The following DLG2 variants were observed in gnomAD, a reference collection of about 807,000 sequenced individuals.
The protein encoded by DLG2 is discs large MAGUK scaffold protein 2, also known as disks large homolog 2.
DLG2 carries 45 observed loss-of-function variants against 132.5 expected under a neutral mutation model. That is an observed-to-expected ratio of 0.34 (90% confidence interval 0.27 to 0.44). The LOEUF (loss-of-function observed/expected upper bound fraction) is 0.44, where lower values mean the gene tolerates loss of function less well. DLG2 is among the 20% of genes least tolerant of loss of function. DLG2 has a pLI of 1.00. For missense variants in DLG2, 1,045 were observed against 1,196.9 expected, an observed-to-expected ratio of 0.87 and a Z score of 1.87; for synonymous variants, 424 against 419.6, an observed-to-expected ratio of 1.01 and a Z score of -0.13.
intron 6 of DLG2, among the ~76,000 whole-genome samples, chr11:84,766,225 G>T (rs2153877486): frequency 6.6e-6 from 1 of 152,118 alleles, no homozygotes; most frequent in South Asian, 2.1e-4. Context: ...CAAGTGCAAA[G>T]ATAATTTCTA....
At chr11:84,419,946 A>C (rs538333978) in intron 7 of DLG2, among the ~76,000 whole-genome samples, 1 of 152,356 alleles carries the variant, frequency 6.6e-6, no homozygotes, top group East Asian at 1.9e-4. Context: ...AGTGTTAATT[A>C]TGTCAATTAA....
intron 3 of DLG2, among the ~76,000 whole-genome samples, chr11:85,548,879 G>A (rs2076491255): frequency 6.6e-6 from 1 of 152,170 alleles, no homozygotes; most frequent in African/African-American, 2.4e-5. Flanking sequence ...TCAGACTGCT[G>A]TGCTAGCAGT....
chr11:84,148,627 A>G (rs2095178688), intron 9 of DLG2, among the ~76,000 whole-genome samples: 1 of 152,104 alleles, frequency 6.6e-6, no homozygotes, highest in Non-Finnish European at 1.5e-5. Flanking sequence ...ACTAATGGGC[A>G]CCTGGGTTGA....
intron 3 of DLG2, among the ~76,000 whole-genome samples, chr11:85,306,316 G>C (rs1290462081): frequency 6.6e-6 from 1 of 152,116 alleles, no homozygotes; most frequent in Non-Finnish European, 1.5e-5. Flanking sequence ...TTTGGATACA[G>C]CAAAGAGAAA....
intron 6 of DLG2, among the ~76,000 whole-genome samples, chr11:85,090,003 C>T (rs2068515335): frequency 1.3e-5 from 2 of 152,162 alleles, no homozygotes; most frequent in African/African-American, 4.8e-5. Context: ...TGACAAGTTT[C>T]ATAAACACTT....
intron 9 of DLG2, among the ~76,000 whole-genome samples, chr11:84,127,316 C>T (rs1487564989): frequency 6.6e-6 from 1 of 152,106 alleles, no homozygotes; most frequent in Non-Finnish European, 1.5e-5. Context: ...TCCAATACTC[C>T]CCAGTGATCA....
chr11:84,963,127 A>G (rs2052823477), intron 6 of DLG2, among the ~76,000 whole-genome samples: 1 of 152,186 alleles, frequency 6.6e-6, no homozygotes, highest in South Asian at 2.1e-4. Flanking sequence ...ACCTTTCACA[A>G]CTAAATAATT....
At chr11:84,722,831 C>G (rs1006952836) in intron 6 of DLG2, among the ~76,000 whole-genome samples, 1 of 152,158 alleles carries the variant, frequency 6.6e-6, no homozygotes, top group Non-Finnish European at 1.5e-5. Context: ...TGCAGAAGTC[C>G]TTGCCTAGTA....
intron 4 of DLG2, among the ~76,000 whole-genome samples, chr11:85,193,779 T>C (rs895530494): frequency 1.3e-5 from 2 of 152,256 alleles, no homozygotes; most frequent in Admixed American, 1.3e-4. Context: ...TACTTGACCC[T>C]TTCAATATAT....
intron 22 of DLG2, among the ~76,000 whole-genome samples, chr11:83,473,256 G>A (rs547515765): frequency 6.6e-6 from 1 of 152,192 alleles, no homozygotes; most frequent in East Asian, 1.9e-4. Context: ...ACTTCATCAG[G>A]ACACTCAGGG....
intron 4 of DLG2, among the ~76,000 whole-genome samples, chr11:85,213,258 C>T (rs1478854309): frequency 6.6e-6 from 1 of 152,078 alleles, no homozygotes; most frequent in Non-Finnish European, 1.5e-5. Flanking sequence ...TGACATAGCC[C>T]TCAGGAGATA....
intron 17 of DLG2, among the ~76,000 whole-genome samples, chr11:83,795,506 T>G (rs1189178900): frequency 6.6e-6 from 1 of 152,084 alleles, no homozygotes; most frequent in Non-Finnish European, 1.5e-5. Context: ...ATATTCCATA[T>G]GTTTTGGCAT....
chr11:84,424,607 T>C (rs1450435714), intron 7 of DLG2, among the ~76,000 whole-genome samples: 6 of 152,114 alleles, frequency 3.9e-5, no homozygotes, highest in African/African-American at 1.4e-4. Flanking sequence ...ATGGCAGTGC[T>C]GGGATTTGAA....
intron 6 of DLG2, among the ~76,000 whole-genome samples, chr11:84,811,133 T>C (rs1361709382): frequency 6.6e-6 from 1 of 152,168 alleles, no homozygotes; most frequent in Non-Finnish European, 1.5e-5. Flanking sequence ...TGTATAGGTA[T>C]CTCAAAATAA....
Position 84,219,928 on chromosome 11 carries a change from T to A in DLG2, c.573+31310A>T, listed in dbSNP as rs1012554575. Among the ~76,000 whole-genome samples the A allele has an allele frequency of 7.5e-4, 114 of 151,466 alleles. 1 individual carries two copies. The highest frequency in any genetic ancestry group is 2.7e-3 in the African/African-American group (110 of 41,408). On this transcript the variant is annotated intron_variant, in intron 8 of 27. Transcript: ENST00000376104. Reference sequence around the variant, plus strand: ...GGCTGTTGATGTTAAATCAATTTGCTTTAAAAAACAATTATGGGGAAACAA... The same window carrying A: ...GGCTGTTGATGTTAAATCAATTTGCATTAAAAAACAATTATGGGGAAACAA...
At chr11:84,385,917 G>A (rs1054637438) in intron 7 of DLG2, among the ~76,000 whole-genome samples, 4 of 152,052 alleles carry the variant, frequency 2.6e-5, no homozygotes, top group African/African-American at 4.8e-5. Flanking sequence ...TGTTACTACT[G>A]AATAACATTT....
Position 83,752,007 on chromosome 11 carries a change from G to A in DLG2, c.1825+34683C>T, listed in dbSNP as rs1325157199. On this transcript the variant is annotated intron_variant, in intron 18 of 27. Coordinates refer to ENST00000376104, the MANE Select transcript of DLG2 (RefSeq NM_001142699.3). ...GACTTGCCTGGCTGCGGTGGCTCACGCCTGTAATCCCAGCACTTCGGGAGG... is the reference window on the plus strand; with the variant it reads ...GACTTGCCTGGCTGCGGTGGCTCACACCTGTAATCCCAGCACTTCGGGAGG... Among the ~76,000 whole-genome samples, 8 of 152,198 alleles carry A rather than the reference G, an allele frequency of 5.3e-5. No individual in the cohort carries two copies. In the East Asian group the frequency reaches 5.8e-4, roughly 11 times the overall value.
intron 18 of DLG2, among the ~76,000 whole-genome samples, chr11:83,750,161 AT>A (rs2153733961): frequency 6.6e-6 from 1 of 152,328 alleles, no homozygotes; most frequent in Non-Finnish European, 1.5e-5. Flanking sequence ...AACCCCCAAG[AT>A]TCCCATCTGA....
intron 6 of DLG2, among the ~76,000 whole-genome samples, chr11:84,686,586 A>G (rs1369244634): frequency 2.8e-5 from 4 of 144,244 alleles, no homozygotes; most frequent in Admixed American, 7.0e-5. Context: ...ATTGAACTAT[A>G]TTTTATTTCA....
Sources: gnomAD v4.1 joint callset for allele counts (sites outside exome capture counted in the v4.1 genomes callset) on GRCh38, gnomAD v4.1.1 for gene constraint, MANE v1.5 for transcripts, NCBI Gene and HGNC (gene_info 2026-07-23, HGNC 2026-07-21) for gene names.